AK7: variants seen among roughly 807,000 people sequenced by gnomAD.
The protein encoded by AK7 is ATP-AMP transphosphorylase 7.
A neutral mutation model predicts 96.6 loss-of-function variants in AK7; 78 were observed. The ratio of observed to expected loss-of-function variants is 0.81; its 90% CI spans 0.67 to 0.97. The LOEUF (loss-of-function observed/expected upper bound fraction) is 0.97. AK7 is among the 50% of genes least tolerant of loss of function. The pLI is 0.00. For synonymous variants in AK7, 302 were observed against 317.2 expected, an observed-to-expected ratio of 0.95 and a Z score of 0.51; for missense variants, 855 against 887.9, an observed-to-expected ratio of 0.96 and a Z score of 0.47.
At chr14:96,443,736 C>T (rs139330537) in intron 7 of AK7, among the ~76,000 whole-genome samples, 4,425 of 151,248 alleles carry the variant, frequency 0.029, 113 homozygotes, top group Non-Finnish European at 0.047. Flanking sequence ...CTAACACTAA[C>T]GATAGCTGAT....
At chr14:96,412,355 G>C (rs1290898886) in intron 4 of AK7, among the ~76,000 whole-genome samples, 1 of 150,934 alleles carries the variant, frequency 6.6e-6, no homozygotes, top group Non-Finnish European at 1.5e-5. Context: ...AGCCTCCCGA[G>C]TAGCTGGGAT....
chr14:96,437,886 G>A lies in AK7; in HGVS notation c.661G>A (p.Glu221Lys). ...VVAAGLQYGAEGGMLHTFFKM... is the reference protein window; with the variant it reads ...VVAAGLQYGAKGGMLHTFFKM... ...TGCTGCTGGACTCCAGTATGGAGCGGAAGGAGGCATGTTACACACATTTTT... is the reference window on the plus strand; with the variant it reads ...TGCTGCTGGACTCCAGTATGGAGCGAAAGGAGGCATGTTACACACATTTTT... Residue 221 changes from glutamate to lysine, a missense_variant, in exon 6 of 18, where the codon GAA becomes AAA. Physicochemically the swap from Glu to Lys is moderately conservative, Grantham distance 56 (BLOSUM62 1). Coordinates refer to ENST00000267584, the MANE Select transcript of AK7 (RefSeq NM_152327.5). The A allele has an allele frequency of 6.2e-7, 1 of 1,613,912 alleles. No homozygotes were observed.
chr14:96,453,123 A>C (rs1212873254), intron 10 of AK7, among the ~76,000 whole-genome samples: 1 of 152,170 alleles, frequency 6.6e-6, no homozygotes, highest in African/African-American at 2.4e-5. Flanking sequence ...AAAAAAAAAC[A>C]TGTCTAGTTA....
At chr14:96,425,500 T>TTTTTC (rs10673005) in intron 5 of AK7, among the ~76,000 whole-genome samples, 1 of 150,346 alleles carries the variant, frequency 6.7e-6, no homozygotes, top group African/African-American at 2.5e-5. Flanking sequence ...TTTTTTTTTT[T>TTTTTC]GAGACAGAGT....
intron 4 of AK7, 29 bp downstream of exon 4, chr14:96,408,970 T>C: frequency 6.2e-7 from 1 of 1,608,442 alleles, no homozygotes; most frequent in Non-Finnish European, 8.5e-7. Flanking sequence ...TTCCTTTAGG[T>C]AACATTTCAG....
At chr14:96,454,873 A>T (rs1331165660) in intron 10 of AK7, among the ~76,000 whole-genome samples, 1 of 152,106 alleles carries the variant, frequency 6.6e-6, no homozygotes, top group African/African-American at 2.4e-5. Context: ...TAACTGTGTT[A>T]AAAATAATTG....
chr14:96,434,810 G>A (rs1403171375), intron 5 of AK7, among the ~76,000 whole-genome samples: 5 of 152,128 alleles, frequency 3.3e-5, no homozygotes, highest in African/African-American at 9.7e-5. Context: ...ACCACAAGAC[G>A]TAGTCCTTCC....
chr14:96,411,943 A>G (rs1018711431), intron 4 of AK7, among the ~76,000 whole-genome samples: 1 of 152,238 alleles, frequency 6.6e-6, no homozygotes, highest in African/African-American at 2.4e-5. Context: ...ACTGGGAGCC[A>G]TGGGGAGCTC....
At chr14:96,452,296 G>GAAACAA (rs1166508645) in intron 10 of AK7, among the ~76,000 whole-genome samples, 1 of 151,898 alleles carries the variant, frequency 6.6e-6, no homozygotes, top group South Asian at 2.1e-4. Flanking sequence ...TATAGATTAG[G>GAAACAA]AAACAAAGGC....
chr14:96,459,774 G>A (rs1414980662), intron 12 of AK7, among the ~76,000 whole-genome samples: 3 of 151,468 alleles, frequency 2.0e-5, no homozygotes, highest in Admixed American at 2.0e-4. Flanking sequence ...CTACTCGGAA[G>A]GCTGAGGCAG....
At chr14:96,487,383 C>CAAAAAAAAAA (rs150742803) in intron 17 of AK7, among the ~76,000 whole-genome samples, 69 of 46,096 alleles carry the variant, frequency 1.5e-3, no homozygotes, top group Non-Finnish European at 1.7e-3. Context: ...GACTCCGTCT[C>CAAAAAAAAAA]AAAAAAAAAA....
chr14:96,412,571 CTTT>C (rs772179426), intron 4 of AK7, among the ~76,000 whole-genome samples: 1 of 137,562 alleles, frequency 7.3e-6, no homozygotes. Flanking sequence ...CCTTGCAGTA[CTTT>C]TTTTTTTTTT....
chr14:96,456,998 G>A, intron 11 of AK7: 1 of 186,468 alleles, frequency 5.4e-6, no homozygotes, highest in East Asian at 1.3e-4. Flanking sequence ...TTTTGCTTTG[G>A]CTTCGGGAAA....
intron 5 of AK7, among the ~76,000 whole-genome samples, chr14:96,429,202 T>G (rs1475969035): frequency 6.6e-6 from 1 of 152,146 alleles, no homozygotes; most frequent in Non-Finnish European, 1.5e-5. Flanking sequence ...TTCCCAGCAC[T>G]GTTTATTAAA....
chr14:96,406,294 T>C (rs1031495814), intron 3 of AK7, among the ~76,000 whole-genome samples: 2 of 152,194 alleles, frequency 1.3e-5, no homozygotes, highest in Non-Finnish European at 2.9e-5. Flanking sequence ...ACCACTGACT[T>C]CCTGCTGTCA....
At chr14:96,479,219 G>A (rs1372602770) in intron 15 of AK7, among the ~76,000 whole-genome samples, 1 of 151,954 alleles carries the variant, frequency 6.6e-6, no homozygotes, top group African/African-American at 2.4e-5. Flanking sequence ...TGGGACTACA[G>A]GTGCACACCA....
chr14:96,432,447 T>G (rs920311373), intron 5 of AK7, among the ~76,000 whole-genome samples: 1 of 152,162 alleles, frequency 6.6e-6, no homozygotes, highest in African/African-American at 2.4e-5. Flanking sequence ...AGCTGGTTAT[T>G]TTGCCCATTA....
At chr14:96,449,687 G>A in intron 8 of AK7, 115 bp from the exon 9 acceptor site, 1 of 695,608 alleles carries the variant, frequency 1.4e-6, no homozygotes. Flanking sequence ...GCCCACCTTG[G>A]CCTCCCAAAG....
intron 12 of AK7, among the ~76,000 whole-genome samples, chr14:96,463,415 A>AAAT (rs1006277057): frequency 2.0e-5 from 3 of 151,676 alleles, no homozygotes; most frequent in Admixed American, 6.6e-5. Flanking sequence ...GTGTTAAAAA[A>AAAT]AATAATAATA....
Sources: allele counts gnomAD v4.1 joint callset (sites outside exome capture counted in the v4.1 genomes callset), GRCh38; gene constraint gnomAD v4.1.1; transcripts MANE v1.5; gene names NCBI Gene and HGNC (gene_info 2026-07-23, HGNC 2026-07-21).